Variants in SYN2 observed in about 807,000 individuals in gnomAD.
SYN2 encodes synapsin II, also known as synapsin-2.
In SYN2, 19 loss-of-function variants were observed where a neutral mutation model predicts 50.9. That is an observed-to-expected ratio of 0.37 (90% CI 0.26 to 0.55). The LOEUF is 0.55. Ranked by LOEUF, SYN2 falls within the 20% of genes least tolerant of loss-of-function variation. The probability of loss-of-function intolerance (pLI) is 0.81; values close to 1 mark genes in which losing one functional copy is unlikely to be tolerated. For missense variants in SYN2, 587 were observed against 576.4 expected (o/e 1.02, Z -0.19); for synonymous variants, 255 against 224.9 (o/e 1.13, Z -1.20).
intron 1 of SYN2, among the ~76,000 whole-genome samples, chr3:12,110,689 G>A (rs1157598281): frequency 6.6e-6 from 1 of 152,198 alleles, no homozygotes; most frequent in Non-Finnish European, 1.5e-5. Context: ...CCCGGCCCAT[G>A]AAACTATTTT....
rs534563197 is a variant in SYN2 at position 12,007,926 on chromosome 3, A to G, written c.377+2998A>G. On this transcript the variant is annotated intron_variant, in intron 1 of 12. Transcript: ENST00000621198. ...GAGATCTTTAGATTAATCGCACACT[A>G]AAAGATCGTTGAAAAATTTATCTGT... Among the ~76,000 whole-genome samples the G allele has an allele frequency of 3.1e-3, 467 of 152,332 alleles. 2 individuals carry two copies. Among genetic ancestry groups the G allele is most frequent in the Non-Finnish European group, 5.8e-3 (397 of 68,026 alleles).
intron 1 of SYN2, among the ~76,000 whole-genome samples, chr3:12,119,272 G>T (rs1696500753): frequency 6.6e-6 from 1 of 151,688 alleles, no homozygotes; most frequent in Non-Finnish European, 1.5e-5. Context: ...AAATCAGCTA[G>T]TGCTGCCTGA....
chr3:12,030,169 C>T (rs1289116224), intron 1 of SYN2, among the ~76,000 whole-genome samples: 2 of 105,732 alleles, frequency 1.9e-5, no homozygotes, highest in Admixed American at 1.1e-4. Context: ...TGTTTATATG[C>T]TGGATTACAT....
At chr3:12,058,191 A>G (rs1156974841) in intron 1 of SYN2, among the ~76,000 whole-genome samples, 4 of 152,208 alleles carry the variant, frequency 2.6e-5, no homozygotes, top group Non-Finnish European at 5.9e-5. Flanking sequence ...TTTTGAAACA[A>G]TAGATTTCTG....
At chr3:12,126,895 C>T (rs1192781248) in intron 1 of SYN2, among the ~76,000 whole-genome samples, 3 of 152,184 alleles carry the variant, frequency 2.0e-5, no homozygotes, top group Non-Finnish European at 4.4e-5. Context: ...TTCTCTCGAA[C>T]ACTAATTTAT....
chr3:12,128,714 C>A (rs1696725493), intron 1 of SYN2, among the ~76,000 whole-genome samples: 1 of 152,028 alleles, frequency 6.6e-6, no homozygotes, highest in Non-Finnish European at 1.5e-5. Context: ...AAATGCCTGA[C>A]CAGCATTAAA....
intron 1 of SYN2, among the ~76,000 whole-genome samples, chr3:12,076,432 A>G (rs1695469118): frequency 6.6e-6 from 1 of 152,038 alleles, no homozygotes; most frequent in Admixed American, 6.6e-5. Context: ...TTACGGTAAC[A>G]TGATCACCAC....
intron 1 of SYN2, among the ~76,000 whole-genome samples, chr3:12,093,430 C>A (rs76478729): frequency 6.6e-6 from 1 of 152,084 alleles, no homozygotes; most frequent in Non-Finnish European, 1.5e-5. Flanking sequence ...AAAGTACTCC[C>A]GGGCATGTGA....
At chr3:12,112,325 A>T (rs1206222179) in intron 1 of SYN2, among the ~76,000 whole-genome samples, 2 of 152,108 alleles carry the variant, frequency 1.3e-5, no homozygotes, top group African/African-American at 4.8e-5. Context: ...TCAATGAATT[A>T]ATTTTATTTT....
At chr3:12,064,203 G>C (rs547940541) in intron 1 of SYN2, among the ~76,000 whole-genome samples, 2 of 151,788 alleles carry the variant, frequency 1.3e-5, no homozygotes, top group Non-Finnish European at 2.9e-5. Context: ...AAAACACTTG[G>C]CCAATACTTA....
intron 1 of SYN2, among the ~76,000 whole-genome samples, chr3:12,054,180 C>T (rs1694937938): frequency 6.6e-6 from 1 of 152,156 alleles, no homozygotes; most frequent in Non-Finnish European, 1.5e-5. Context: ...ATCCTGAAAA[C>T]TGTTAGAGTA....
intron 4 of SYN2, among the ~76,000 whole-genome samples, chr3:12,146,200 CT>C (rs1697147838): frequency 6.6e-6 from 1 of 152,234 alleles, no homozygotes; most frequent in Non-Finnish European, 1.5e-5. Flanking sequence ...ATAAAAATGT[CT>C]GTTTCTTGCC....
chr3:12,054,867 T>C (rs1694953920), intron 1 of SYN2, among the ~76,000 whole-genome samples: 2 of 152,138 alleles, frequency 1.3e-5, no homozygotes, highest in South Asian at 4.1e-4. Flanking sequence ...ATACATTTGA[T>C]AGTTTAGTAG....
chr3:12,021,881 G>A (rs776570905), intron 1 of SYN2, among the ~76,000 whole-genome samples: 99 of 152,152 alleles, frequency 6.5e-4, no homozygotes, highest in Non-Finnish European at 8.7e-4. Context: ...CCTGGCCAGC[G>A]TAACGAAACC....
At chr3:12,189,472 C>T (rs1383140353) in intron 12 of SYN2, among the ~76,000 whole-genome samples, 4 of 152,176 alleles carry the variant, frequency 2.6e-5, no homozygotes, top group African/African-American at 9.7e-5. Flanking sequence ...TATTAGCGCT[C>T]TTCTGAGGAG....
At chr3:12,125,288 C>T (rs553754868) in intron 1 of SYN2, among the ~76,000 whole-genome samples, 2 of 151,664 alleles carry the variant, frequency 1.3e-5, no homozygotes, top group Admixed American at 1.3e-4. Context: ...GCGTGAGCCA[C>T]CACGCCCAGC....
chr3:12,183,492 G>T (rs527872317), intron 11 of SYN2, 120 bp downstream of exon 11: 10 of 1,598,924 alleles, frequency 6.3e-6, no homozygotes, highest in Non-Finnish European at 8.5e-6. Context: ...AAAAACAAAC[G>T]AAAGGAAAGC....
At chr3:12,105,469 CT>C (rs1559421869) in intron 1 of SYN2, among the ~76,000 whole-genome samples, 1 of 133,596 alleles carries the variant, frequency 7.5e-6, no homozygotes, top group Non-Finnish European at 1.6e-5. Flanking sequence ...TTTTCAGGGG[CT>C]ACCTAGGACA....
chr3:12,103,668 A>G (rs770995270), intron 1 of SYN2, among the ~76,000 whole-genome samples: 6 of 152,222 alleles, frequency 3.9e-5, no homozygotes, highest in South Asian at 2.1e-4. Flanking sequence ...GGGAATTGTG[A>G]TATCAGTTAA....
Sources: gnomAD v4.1 joint callset for allele counts (sites outside exome capture counted in the v4.1 genomes callset) on GRCh38, gnomAD v4.1.1 for gene constraint, MANE v1.5 for transcripts, NCBI Gene and HGNC (gene_info 2026-07-23, HGNC 2026-07-21) for gene names.